Variants in CHSY1 observed in about 807,000 individuals in gnomAD.
The protein encoded by CHSY1 is chondroitin sulfate synthase 1.
Under a neutral mutation model 59.8 loss-of-function variants are expected in CHSY1, and 13 were observed. The ratio of observed to expected loss-of-function variants is 0.22; its 90% CI spans 0.14 to 0.35. CHSY1 has a LOEUF of 0.35. CHSY1 is among the 10% of genes least tolerant of loss of function. The pLI, the probability that CHSY1 is intolerant of heterozygous loss-of-function variation, is 1.00. For synonymous variants in CHSY1, 459 were observed against 401.2 expected (o/e 1.14, Z -1.72); for missense variants, 947 against 1,030.6 (o/e 0.92, Z 1.11).
intron 1 of CHSY1, among the ~76,000 whole-genome samples, chr15:101,238,144 TA>T (rs541936532): frequency 1.0e-3 from 156 of 152,260 alleles, no homozygotes; most frequent in African/African-American, 3.2e-3. Context: ...TTGTTTTTTT[TA>T]AAAAAAATTG....
At chr15:101,219,065 C>T (rs541889523) in intron 2 of CHSY1, among the ~76,000 whole-genome samples, 1 of 152,304 alleles carries the variant, frequency 6.6e-6, no homozygotes, top group South Asian at 2.1e-4. Context: ...AGTACAACCT[C>T]GAACAAGGTT....
intron 1 of CHSY1, among the ~76,000 whole-genome samples, chr15:101,246,229 A>T (rs2039049951): frequency 6.6e-6 from 1 of 152,236 alleles, no homozygotes; most frequent in Non-Finnish European, 1.5e-5. Context: ...TTCTGACAAC[A>T]TAAAAAAAGA....
chr15:101,240,579 T>A (rs146197715), intron 1 of CHSY1, among the ~76,000 whole-genome samples: 1 of 152,370 alleles, frequency 6.6e-6, no homozygotes, highest in East Asian at 1.9e-4. Flanking sequence ...GAATCCTCCA[T>A]CACTCTAGGT....
chr15:101,234,041 A>G (rs754582270), intron 2 of CHSY1, among the ~76,000 whole-genome samples: 25 of 152,198 alleles, frequency 1.6e-4, no homozygotes, highest in Non-Finnish European at 3.5e-4. Context: ...TTTCACCATT[A>G]ACTGGTATCA....
intron 2 of CHSY1, among the ~76,000 whole-genome samples, chr15:101,229,673 G>A (rs913827024): frequency 1.2e-4 from 18 of 152,158 alleles, no homozygotes; most frequent in Non-Finnish European, 2.4e-4. Context: ...TTGGGAGGCT[G>A]AAGCAGGCAG....
At chr15:101,207,364 A>G (rs939707100) in intron 2 of CHSY1, among the ~76,000 whole-genome samples, 1 of 152,252 alleles carries the variant, frequency 6.6e-6, no homozygotes. Context: ...AACTAACAAC[A>G]GTATTTTAAA....
At chr15:101,179,578 C>T (rs973326070) in intron 2 of CHSY1, among the ~76,000 whole-genome samples, 5 of 152,188 alleles carry the variant, frequency 3.3e-5, no homozygotes, top group African/African-American at 1.2e-4. Flanking sequence ...CAAAAGCACA[C>T]GCTGAAAACC....
chr15:101,243,544 C>A (rs556115477), intron 1 of CHSY1, among the ~76,000 whole-genome samples: 1 of 152,334 alleles, frequency 6.6e-6, no homozygotes, highest in African/African-American at 2.4e-5. Context: ...AGCCTCCACA[C>A]TGGCTTTCCA....
chr15:101,194,345 T>C (rs191177897), intron 2 of CHSY1, among the ~76,000 whole-genome samples: 41 of 152,396 alleles, frequency 2.7e-4, no homozygotes, highest in African/African-American at 9.6e-4. Context: ...TGTTTGTGTG[T>C]CCATGTGTAC....
chr15:101,185,997 C>A (rs2038357960), intron 2 of CHSY1, among the ~76,000 whole-genome samples: 1 of 151,844 alleles, frequency 6.6e-6, no homozygotes, highest in Admixed American at 6.6e-5. Flanking sequence ...CATTTAATTA[C>A]TGAGCTCCAG....
chr15:101,182,005 G>C lies in CHSY1; in HGVS notation c.817-3025C>G, dbSNP rs531043569. Among the ~76,000 whole-genome samples, 11 of 152,338 alleles carry C rather than the reference G, an allele frequency of 7.2e-5. No individual in the cohort carries two copies. The East Asian group carries it at 1.2e-3, about 16-fold the overall frequency. ...TATTAAGAAAATGGCATGGAAGGAA[G>C]AGTAAATACACTTACAGCACTGTAT... On this transcript the variant is annotated intron_variant, in intron 2 of 2. Coordinates refer to ENST00000254190, the MANE Select transcript of CHSY1 (RefSeq NM_014918.5).
chr15:101,213,123 G>A (rs1217900893), intron 2 of CHSY1, among the ~76,000 whole-genome samples: 5 of 152,042 alleles, frequency 3.3e-5, no homozygotes, highest in Admixed American at 3.3e-4. Flanking sequence ...GAAGAACGGA[G>A]GTGTAGTAAG....
At chr15:101,229,893 C>T (rs111418405) in intron 2 of CHSY1, among the ~76,000 whole-genome samples, 18 of 151,510 alleles carry the variant, frequency 1.2e-4, no homozygotes, top group African/African-American at 3.9e-4. Context: ...GGTGACAGAG[C>T]GAGACTCTGC....
At chr15:101,213,835 T>A (rs961681309) in intron 2 of CHSY1, among the ~76,000 whole-genome samples, 13 of 152,202 alleles carry the variant, frequency 8.5e-5, no homozygotes, top group Non-Finnish European at 1.3e-4. Context: ...CTGTGTGTAA[T>A]TTCCTAGACT....
chr15:101,234,190 C>T (rs1049412970), intron 2 of CHSY1, among the ~76,000 whole-genome samples: 4 of 152,226 alleles, frequency 2.6e-5, no homozygotes, highest in African/African-American at 9.6e-5. Context: ...GTCACGGTAA[C>T]TCAGAAGTTG....
intron 2 of CHSY1, among the ~76,000 whole-genome samples, chr15:101,220,748 CT>C (rs1395340593): frequency 6.6e-6 from 1 of 152,254 alleles, no homozygotes; most frequent in Non-Finnish European, 1.5e-5. Context: ...GACGCTGCCC[CT>C]CTCACTCACG....
intron 1 of CHSY1, among the ~76,000 whole-genome samples, chr15:101,241,355 C>A (rs1193211676): frequency 6.6e-6 from 1 of 152,236 alleles, no homozygotes; most frequent in East Asian, 1.9e-4. Context: ...TCCCAAAGGG[C>A]TGGGATTACC....
intron 2 of CHSY1, among the ~76,000 whole-genome samples, chr15:101,217,291 T>C (rs767705898): frequency 1.3e-5 from 2 of 151,884 alleles, no homozygotes; most frequent in Non-Finnish European, 2.9e-5. Flanking sequence ...TATCAATTCA[T>C]GCTATCAATT....
chr15:101,239,419 G>GC (rs1396923535), intron 1 of CHSY1, among the ~76,000 whole-genome samples: 1 of 152,200 alleles, frequency 6.6e-6, no homozygotes, highest in Admixed American at 6.5e-5. Context: ...CAGCATCACC[G>GC]CAAGAGCTGG....
Sources: allele counts gnomAD v4.1 joint callset (sites outside exome capture counted in the v4.1 genomes callset), GRCh38; gene constraint gnomAD v4.1.1; transcripts MANE v1.5; gene names NCBI Gene and HGNC (gene_info 2026-07-23, HGNC 2026-07-21).